Variants in USP28 observed in about 807,000 individuals in gnomAD.
USP28 encodes ubiquitin specific peptidase 28.
A neutral mutation model predicts 145.0 loss-of-function variants in USP28; 113 were observed. That is an observed-to-expected ratio of 0.78 (90% CI 0.67 to 0.91). The LOEUF is 0.91. USP28 is among the 40% of genes least tolerant of loss of function. The pLI is 0.00. For synonymous variants in USP28, 447 were observed against 450.9 expected (o/e 0.99, Z 0.11); for missense variants, 1,201 against 1,289.6 (o/e 0.93, Z 1.05).
chr11:113,809,033 G>T (rs771952532), intron 17 of USP28, 30 bp downstream of exon 17: 6 of 1,604,132 alleles, frequency 3.7e-6, no homozygotes, highest in East Asian at 4.5e-5. Context: ...GATGTTACTG[G>T]ATCACTGGCA....
chr11:113,869,439 TAAAAC>T (rs1260658882), intron 1 of USP28, among the ~76,000 whole-genome samples: 1 of 151,816 alleles, frequency 6.6e-6, no homozygotes, highest in African/African-American at 2.4e-5. Context: ...AAAAATAAAA[TAAAAC>T]AAAAGTAGCC....
Position 113,801,586 on chromosome 11 carries a change from G to C in USP28, c.2955C>G (p.Pro985=), listed in dbSNP as rs774886321. ...CATTATTAATGATAAGGTGAATGCAGGGGATGATCAGTTCATTCATCACAT... is the reference window on the plus strand; with the variant it reads ...CATTATTAATGATAAGGTGAATGCACGGGATGATCAGTTCATTCATCACAT... The change falls in exon 24 of 25, where the codon CCC becomes CCG. Residue 985 remains proline (P), a synonymous_variant. Coordinates refer to ENST00000003302, the Ensembl canonical transcript of USP28. 24 of 1,610,846 alleles carry C rather than the reference G, an allele frequency of 1.5e-5. 1 individual carries two copies. The highest frequency in any genetic ancestry group is 2.0e-5 in the Non-Finnish European group (23 of 1,177,620).
chr11:113,835,153 G>A (rs1369185241), intron 5 of USP28: 1 of 410,566 alleles, frequency 2.4e-6, no homozygotes, highest in Non-Finnish European at 4.8e-6. Flanking sequence ...TGGTAGAACT[G>A]GAGAGAGGGA....
chr11:113,815,519 C>T, intron 13 of USP28, 137 bp from the exon 14 acceptor site: 1 of 761,710 alleles, frequency 1.3e-6, no homozygotes, highest in Non-Finnish European at 2.1e-6. Context: ...AGGTACAGAG[C>T]CAACCTTTTT....
rs183396189 is a variant in USP28 at position 113,841,631 on chromosome 11, G to C, written c.374+32C>G. 86 of 1,453,808 alleles carry C rather than the reference G, an allele frequency of 5.9e-5. No homozygotes were observed. The Admixed American group carries it at 9.2e-4, about 16-fold the overall frequency. The allele number at this position is 1,453,808 out of a possible 1,614,324, so 90.1% of individuals were successfully genotyped here. On this transcript the variant is annotated intron_variant, in intron 4 of 24. Coordinates refer to ENST00000003302, the Ensembl canonical transcript of USP28. ...TTGCCTTTGAGATACACACAAATGTGGGGGGCAAGAATTATAAGTTAAATC... is the reference window on the plus strand; with the variant it reads ...TTGCCTTTGAGATACACACAAATGTCGGGGGCAAGAATTATAAGTTAAATC...
chr11:113,803,139 C>T lies in USP28; in HGVS notation c.2862+19G>A, dbSNP rs777808175. 3 of 1,605,780 alleles carry T rather than the reference C, an allele frequency of 1.9e-6. No homozygotes were observed. The highest frequency in any genetic ancestry group is 2.2e-5 in the East Asian group (1 of 44,702). On this transcript the variant is annotated intron_variant, in intron 23 of 24. Coordinates refer to ENST00000003302, the Ensembl canonical transcript of USP28. The stretch of plus-strand genomic sequence containing the variant: ...GGTAAACAACAAAAAAACCTTAAGG[C>T]TTTACAAACAGTACAAACCAGAAGG...
chr11:113,854,779 A>C (rs1946865975), intron 1 of USP28, among the ~76,000 whole-genome samples: 1 of 152,250 alleles, frequency 6.6e-6, no homozygotes, highest in Admixed American at 6.5e-5. Context: ...TGAAATGCCA[A>C]ATCTATTTCT....
chr11:113,872,206 G>C (rs896035509), intron 1 of USP28, among the ~76,000 whole-genome samples: 2 of 152,174 alleles, frequency 1.3e-5, no homozygotes, highest in South Asian at 2.1e-4. Context: ...ATCTCGCCTG[G>C]TAAGATGCTA....
At chr11:113,808,168 A>T in intron 18 of USP28, 32 bp from the exon 19 acceptor site, 1 of 1,523,536 alleles carries the variant, frequency 6.6e-7, no homozygotes, top group South Asian at 1.3e-5. Flanking sequence ...AAAGAGTAAG[A>T]AAAAACAGGA....
intron 1 of USP28, among the ~76,000 whole-genome samples, chr11:113,870,361 T>C (rs113372653): frequency 0.034 from 5,112 of 151,968 alleles, 102 homozygotes; most frequent in Non-Finnish European, 0.052. Context: ...ACCTCGTCTC[T>C]ATAAAAAATT....
chr11:113,874,423 GAAAAAAAAAAA>G lies in USP28; in HGVS notation c.57+1011_57+1021del, dbSNP rs778295743. The G allele has an allele frequency of 4.8e-3, 1,980 of 414,062 alleles. 11 individuals carry two copies. The highest frequency in any genetic ancestry group is 5.5e-3 in the Non-Finnish European group (1,808 of 326,086). 25.6% of individuals were successfully genotyped at this position (414,062 alleles called of 1,614,324 possible). A position where few individuals can be genotyped will look rare whatever the true frequency, so the allele number is the denominator to read the frequency against. ...CTAGGCAACAGAGGGAGACTCTGTC[GAAAAAAAAAAA>G]AAAAAAAAAAAAAAAGTGTCTCCAT... On this transcript the variant is annotated intron_variant, in intron 1 of 24. Transcript: ENST00000003302.
chr11:113,804,184 A>T (rs898104764), intron 21 of USP28, among the ~76,000 whole-genome samples: 3 of 152,202 alleles, frequency 2.0e-5, no homozygotes, highest in African/African-American at 7.2e-5. Context: ...TAAGTGAATG[A>T]CCTCTTTAGG....
At chr11:113,811,420 C>A (rs956744460) in intron 16 of USP28, among the ~76,000 whole-genome samples, 1 of 151,982 alleles carries the variant, frequency 6.6e-6, no homozygotes, top group Non-Finnish European at 1.5e-5. Flanking sequence ...TTATTCTGGG[C>A]CCCACAACTG....
chr11:113,837,319 T>C lies in USP28; in HGVS notation c.535-2984A>G, dbSNP rs111720635. 6.4e-3 allele frequency among the ~76,000 whole-genome samples: 971 copies of C among 152,314 alleles called. 6 individuals are homozygous for C. The highest frequency in any genetic ancestry group is 0.022 in the African/African-American group (917 of 41,566). On this transcript the variant is annotated intron_variant, in intron 5 of 24. Coordinates refer to ENST00000003302, the Ensembl canonical transcript of USP28. Reference sequence around the variant, plus strand: ...AGACATAGAGCAGGTGTTCAATTGTTTGCTGAGGGAACTCGCATGCATCCA... The same window carrying C: ...AGACATAGAGCAGGTGTTCAATTGTCTGCTGAGGGAACTCGCATGCATCCA...
chr11:113,832,769 G>A (rs989577336), intron 7 of USP28, among the ~76,000 whole-genome samples: 1 of 151,836 alleles, frequency 6.6e-6, no homozygotes, highest in Non-Finnish European at 1.5e-5. Flanking sequence ...CTTTGTTTTT[G>A]TTTTTAAATT....
At chr11:113,867,217 G>T (rs1948359704) in intron 1 of USP28, among the ~76,000 whole-genome samples, 2 of 152,098 alleles carry the variant, frequency 1.3e-5, no homozygotes, top group South Asian at 4.1e-4. Context: ...GACGGAATTG[G>T]TGATTGCACA....
At chr11:113,808,071 C>A in intron 18 of USP28, 1 of 1,389,700 alleles carries the variant, frequency 7.2e-7, no homozygotes, top group Non-Finnish European at 9.4e-7. Flanking sequence ...CCTTTGGGGG[C>A]TGTTCTGACT....
At chr11:113,808,911 A>G in intron 17 of USP28, 152 bp downstream of exon 17, 1 of 695,046 alleles carries the variant, frequency 1.4e-6, no homozygotes, top group South Asian at 2.5e-5. Flanking sequence ...GCCACAATTC[A>G]TTCCATCAGG....
chr11:113,846,376 T>A (rs1945849508), intron 3 of USP28, among the ~76,000 whole-genome samples: 2 of 152,178 alleles, frequency 1.3e-5, no homozygotes, highest in South Asian at 2.1e-4. Flanking sequence ...TGGATGAAAC[T>A]TAAGACAGAT....
Sources: allele counts gnomAD v4.1 joint callset (sites outside exome capture counted in the v4.1 genomes callset), GRCh38; gene constraint gnomAD v4.1.1; transcripts MANE v1.5; gene names NCBI Gene and HGNC (gene_info 2026-07-23, HGNC 2026-07-21).